ARHGAP9: variants seen among roughly 807,000 people sequenced by gnomAD.
ARHGAP9 encodes the protein Rho GTPase activating protein 9, also known as rho GTPase-activating protein 9.
Under a neutral mutation model 87.3 loss-of-function variants are expected in ARHGAP9, and 76 were observed. The ratio of observed to expected loss-of-function variants is 0.87; its 90% CI spans 0.72 to 1.05. The LOEUF is 1.05. Ranked by LOEUF, ARHGAP9 falls within the 50% of genes least tolerant of loss-of-function variation. The probability of loss-of-function intolerance (pLI) is 0.00; values close to 1 mark genes in which losing one functional copy is unlikely to be tolerated. For missense variants in ARHGAP9, 941 were observed against 960.5 expected (o/e 0.98, Z 0.27); for synonymous variants, 382 against 394.9 (o/e 0.97, Z 0.39).
chr12:57,487,974 C>G, intron 1 of ARHGAP9: 2 of 767,326 alleles, frequency 2.6e-6, no homozygotes, highest in Non-Finnish European at 4.6e-6. Flanking sequence ...TTTCCGGTAG[C>G]GGTGCCAGGG....
Position 57,474,974 on chromosome 12 carries a change from C to A in ARHGAP9, c.1553-1G>T. The A allele has an allele frequency of 1.2e-6, 2 of 1,613,688 alleles. No individual in the cohort carries two copies. Among genetic ancestry groups the A allele is most frequent in the South Asian group, 2.2e-5 (2 of 91,056 alleles). On this transcript the variant is annotated splice_acceptor_variant, in intron 12 of 17. Coordinates refer to ENST00000393791, the MANE Select transcript of ARHGAP9 (RefSeq NM_032496.4). LOFTEE classifies it high-confidence loss of function. ...TCCAACTGGCAGCCGAACACCTGGT[C>A]TGGGGAAGTAGAGTGAGGCGGGAAG... is the stretch of plus-strand genomic sequence containing the variant.
chr12:57,474,736 C>T, intron 13 of ARHGAP9, 33 bp from the exon 14 acceptor site: 1 of 1,612,900 alleles, frequency 6.2e-7, no homozygotes, highest in Non-Finnish European at 8.5e-7. Flanking sequence ...ATAAGGACTG[C>T]TGCTTGAAAG....
intron 4 of ARHGAP9, 36 bp from the exon 5 acceptor site, chr12:57,477,305 G>T (rs768187136): frequency 4.2e-5 from 64 of 1,530,178 alleles, no homozygotes; most frequent in Non-Finnish European, 5.6e-5. Flanking sequence ...GCTACATCCA[G>T]ATGCCACCTC....
intron 1 of ARHGAP9, among the ~76,000 whole-genome samples, chr12:57,485,238 C>G (rs536417878): frequency 6.6e-6 from 1 of 151,964 alleles, no homozygotes; most frequent in Non-Finnish European, 1.5e-5. Context: ...TGAACCACCA[C>G]GCCCAGCCTC....
rs1872180704 is a variant in ARHGAP9, at chr12:57,472,563, T to G, written c.2150A>C (p.Gln717Pro). The change falls in exon 18 of 18, where the codon CAG becomes CCG. Residue 717 changes from glutamine (Q) to proline (P), a missense_variant. By Grantham distance (76) the Gln-to-Pro change is moderately conservative. Transcript: ENST00000393791. ...GTTGGTGAGCATCAGCTGGACCAGCTGCCCTGGGTAGAGAGCATGGGCTGC... is the reference window on the plus strand; with the variant it reads ...GTTGGTGAGCATCAGCTGGACCAGCGGCCCTGGGTAGAGAGCATGGGCTGC... The part of the protein sequence containing the change: ...DPAAHALYPG[Q>P]LVQLMLTNFT... The G allele has an allele frequency of 6.2e-7, 1 of 1,614,088 alleles. No individual in the cohort carries two copies. The highest frequency in any genetic ancestry group is 8.5e-7 in the Non-Finnish European group (1 of 1,180,044).
Position 57,477,168 on chromosome 12 carries a change from C to A in ARHGAP9, c.858G>T (p.Pro286=). Residue 286 remains proline, a synonymous_variant, in exon 5 of 18, where the codon CCG becomes CCT. Transcript: ENST00000393791. ...GFRSDTGTPE[P]LDPQGSLSLS... ...GGAGGGATCTCACCTGTGGGTCAAG[C>A]GGTTCTGGGGTCCCTGTGTCAGATC... is the stretch of plus-strand genomic sequence containing the variant. 1 of 1,613,286 alleles carries A rather than the reference C, an allele frequency of 6.2e-7. No individual in the cohort carries two copies. The highest frequency in any genetic ancestry group is 8.5e-7 in the Non-Finnish European group (1 of 1,179,586).
chr12:57,481,445 G>A (rs472895), upstream of ARHGAP9, among the ~76,000 whole-genome samples: 2 of 151,806 alleles, frequency 1.3e-5, no homozygotes, highest in Non-Finnish European at 1.5e-5. Flanking sequence ...TACAGACAGG[G>A]TTTCACTATG....
intron 10 of ARHGAP9, 107 bp downstream of exon 10, chr12:57,475,726 C>G (rs764668705): frequency 2.0e-6 from 3 of 1,492,662 alleles, no homozygotes. Flanking sequence ...CAAGGGCTCT[C>G]CACTGAGCCC....
At position 57,476,669 on chromosome 12, in the gene ARHGAP9, T is replaced by C. The variant is rs760647184; in HGVS notation, c.964-18A>G. The C allele has an allele frequency of 1.3e-6, 2 of 1,571,416 alleles. No homozygotes were observed. Among genetic ancestry groups the C allele is most frequent in the African/African-American group, 2.8e-5 (2 of 72,334 alleles). ...TCCACCTCCTGGGAAGTGGAGGGAA[T>C]GGGATCTGTAAGTCACCCTCGCCCT... On this transcript the variant is annotated intron_variant, in intron 6 of 17. Coordinates refer to ENST00000393791, the MANE Select transcript of ARHGAP9 (RefSeq NM_032496.4).
intron 1 of ARHGAP9, chr12:57,488,182 G>A: frequency 6.2e-7 from 1 of 1,613,764 alleles, no homozygotes; most frequent in Non-Finnish European, 8.5e-7. Context: ...GTGCTCATCA[G>A]CACTGTAGGC....
In ARHGAP9 at chr12:57,474,138, T is replaced by A. The variant is rs1291531082; in HGVS notation, c.1822A>T (p.Ile608Phe). The change falls in exon 16 of 18, where the codon ATT (isoleucine) becomes TTT (phenylalanine). Residue 608 changes from isoleucine (I) to phenylalanine (F), a missense_variant. Coordinates refer to ENST00000393791, the MANE Select transcript of ARHGAP9 (RefSeq NM_032496.4). ...LDLDSTEWDD[I>F]HVVTGALKLF... ...TTCAGGGCTCCGGTGACCACATGAA[T>A]GTCATCCCACTCAGTACTGTCCAAA... The A allele has an allele frequency of 6.2e-7, 1 of 1,614,120 alleles. No individual in the cohort carries two copies.
chr12:57,472,789 T>C, intron 17 of ARHGAP9, 101 bp from the exon 18 acceptor site: 2 of 1,283,092 alleles, frequency 1.6e-6, no homozygotes, highest in Non-Finnish European at 2.2e-6. Context: ...GAGTTCACTC[T>C]GGGATTCCTC....
chr12:57,476,197 G>A lies in ARHGAP9; in HGVS notation c.1117-31C>T, dbSNP rs1376114429. On this transcript the variant is annotated intron_variant, in intron 8 of 17. Coordinates refer to ENST00000393791, the MANE Select transcript of ARHGAP9 (RefSeq NM_032496.4). ...AATGAGGGAGGAAACTGAGGCCACG[G>A]TGTTGTTTCCTTCACTGCTTCCCTC... The A allele has an allele frequency of 2.0e-6, 3 of 1,520,674 alleles. No individual in the cohort carries two copies. In the Admixed American group the frequency reaches 6.3e-5, roughly 32 times the overall value. 94.2% of individuals were successfully genotyped at this position (1,520,674 alleles called of 1,614,324 possible). A position where few individuals can be genotyped will look rare whatever the true frequency, so the allele number is the denominator to read the frequency against.
intron 17 of ARHGAP9, 50 bp downstream of exon 17, chr12:57,473,552 TC>T (rs1440523542): frequency 6.5e-7 from 1 of 1,533,020 alleles, no homozygotes; most frequent in Non-Finnish European, 9.0e-7. Flanking sequence ...CCTGTGGCAT[TC>T]CCCACTCCAC....
Position 57,474,701 on chromosome 12 carries a change from G to C in ARHGAP9, c.1654C>G (p.Leu552Val). ...LCIAAVDKRG[L>V]DVDGIYRVSG... ...ACCCGATAAATGCCATCCACATCTAGACCTGGGAGATGAGGAAGGAGTAGA... is the reference window on the plus strand; with the variant it reads ...ACCCGATAAATGCCATCCACATCTACACCTGGGAGATGAGGAAGGAGTAGA... Residue 552 changes from leucine (L) to valine (V), a missense_variant and splice_region_variant, in exon 14 of 18, where the codon CTA becomes GTA. Leu to Val is a conservative substitution (Grantham distance 32). Transcript: ENST00000393791. 1.2e-6 allele frequency: 2 copies of C among 1,614,130 alleles called. No homozygotes were observed.
intron 10 of ARHGAP9, 75 bp from the exon 11 acceptor site, chr12:57,475,690 G>T: frequency 6.4e-7 from 1 of 1,569,298 alleles, no homozygotes; most frequent in Admixed American, 1.8e-5. Flanking sequence ...CTGACCCACT[G>T]CCGGGGTCCC....
chr12:57,474,110 AG>A lies in ARHGAP9; in HGVS notation c.1849del (p.Leu617PhefsTer38). The A allele has an allele frequency of 6.2e-7, 1 of 1,614,148 alleles. No individual in the cohort carries two copies. The highest frequency in any genetic ancestry group is 8.5e-7 in the Non-Finnish European group (1 of 1,180,014). On this transcript the variant is annotated frameshift_variant, in exon 16 of 18. Transcript: ENST00000393791. LOFTEE classifies it high-confidence loss of function. ...DIHVVTGALK[L>X]FLRELPQPLV... ...AGGCTGGGGCAGCTCCCGGAGAAAA[AG>A]CTTCAGGGCTCCGGTGACCACATGA...
rs755906422 is a variant in ARHGAP9 at position 57,477,591 on chromosome 12, A to G, written c.624T>C (p.Pro208=). ...RRCPRSPPPG[P]ACPLLQRLDA... ...CCAGCCTCTGCAGCAGGGGGCATGC[A>G]GGGCCTGGGGGTGGGGACCGAGGAC... The change falls in exon 4 of 18, where the codon CCT becomes CCC. Residue 208 remains proline, a synonymous_variant. Transcript: ENST00000393791. 7 of 1,612,910 alleles carry G rather than the reference A, an allele frequency of 4.3e-6. No individual in the cohort carries two copies. Among genetic ancestry groups the G allele is most frequent in the Middle Eastern group, 1.6e-4 (1 of 6,078 alleles).
At chr12:57,487,850 C>CAAAA (rs10715375) in intron 1 of ARHGAP9, 219 of 179,860 alleles carry the variant, frequency 1.2e-3, no homozygotes, top group South Asian at 2.4e-3. Flanking sequence ...CGCCCTCTCA[C>CAAAA]AAAAAAAAAA....
Sources: gnomAD v4.1 joint callset for allele counts (sites outside exome capture counted in the v4.1 genomes callset) on GRCh38, gnomAD v4.1.1 for gene constraint, MANE v1.5 for transcripts, NCBI Gene and HGNC (gene_info 2026-07-23, HGNC 2026-07-21) for gene names.